XXYLT1: variants seen among roughly 807,000 people sequenced by gnomAD.
XXYLT1 encodes UDP-xylose:alpha-xyloside alpha-1,3-xylosyltransferase.
XXYLT1 carries 20 observed loss-of-function variants against 28.9 expected under a neutral mutation model. The ratio of observed to expected loss-of-function variants is 0.69; its 90% CI spans 0.49 to 1.00. The LOEUF (loss-of-function observed/expected upper bound fraction) is 1.00. XXYLT1 is among the 50% of genes least tolerant of loss of function. The probability of loss-of-function intolerance (pLI) is 0.00; values close to 1 mark genes in which losing one functional copy is unlikely to be tolerated. For missense variants in XXYLT1, 542 were observed against 560.1 expected (o/e 0.97, Z 0.33); for synonymous variants, 257 against 253.8 (o/e 1.01, Z -0.12).
chr3:195,087,456 T>A (rs1009958763), intron 3 of XXYLT1: 1 of 152,156 alleles, frequency 6.6e-6, no homozygotes, highest in Non-Finnish European at 1.5e-5. Context: ...CACTGCGCGC[T>A]CTATTCAGGT....
intron 3 of XXYLT1, among the ~76,000 whole-genome samples, chr3:195,144,792 T>C (rs1313017058): frequency 2.0e-5 from 3 of 152,128 alleles, no homozygotes; most frequent in Non-Finnish European, 2.9e-5. Context: ...CCTTTAACCT[T>C]GGGCAGCAGC....
At chr3:195,160,939 C>T (rs1289707017) in intron 2 of XXYLT1, among the ~76,000 whole-genome samples, 2 of 152,264 alleles carry the variant, frequency 1.3e-5, no homozygotes, top group Non-Finnish European at 2.9e-5. Context: ...CTCCATTTCC[C>T]TCCCAGGACA....
In XXYLT1 at chr3:195,077,129, C is replaced by T. The variant is rs1275657719; in HGVS notation, c.786-7018G>A. 2.0e-5 allele frequency among the ~76,000 whole-genome samples: 3 copies of T among 152,316 alleles called. No individual in the cohort carries two copies. Among genetic ancestry groups the T allele is most frequent in the Non-Finnish European group, 4.4e-5 (3 of 68,032 alleles). On this transcript the variant is annotated intron_variant, in intron 3 of 3. Transcript: ENST00000310380. The surrounding 1 kb of genome is among the most constrained non-coding windows in gnomAD (Gnocchi z 4.8). ...GCAAAACCCCAGCCCCTGCTGCTCTCAGTGGGTGGAGACAGAATGACCCAC... is the reference window on the plus strand; with the variant it reads ...GCAAAACCCCAGCCCCTGCTGCTCTTAGTGGGTGGAGACAGAATGACCCAC...
At chr3:195,193,805 A>G (rs1378913872) in intron 2 of XXYLT1, among the ~76,000 whole-genome samples, 2 of 152,240 alleles carry the variant, frequency 1.3e-5, no homozygotes, top group Non-Finnish European at 2.9e-5. Context: ...TTGTAATTCA[A>G]CGGGTAAAGG....
rs572854228 is a variant in XXYLT1 at position 195,246,625 on chromosome 3, G to A, written c.505-19769C>T. On this transcript the variant is annotated intron_variant, in intron 1 of 3. Transcript: ENST00000310380. ...AGCAGAGGCAGAGGGGGTGAGCCCC[G>A]GACACTCCTCCAGGCTGATGAGGAA... Among the ~76,000 whole-genome samples the A allele has an allele frequency of 1.5e-4, 23 of 152,298 alleles. No homozygotes were observed. In the South Asian group the frequency reaches 4.6e-3, roughly 30 times the overall value.
At chr3:195,179,508 T>TACAATCATGGCAGAAGACAAAGGAGAGG (rs1721843403) in intron 2 of XXYLT1, among the ~76,000 whole-genome samples, 3 of 152,124 alleles carry the variant, frequency 2.0e-5, no homozygotes, top group Admixed American at 2.0e-4. Context: ...GAACTGGTTT[T>TACAATCATGGCAGAAGACAAAGGAGAGG]CAGTCACGTC....
intron 3 of XXYLT1, among the ~76,000 whole-genome samples, chr3:195,073,255 G>A (rs774116028): frequency 3.9e-5 from 6 of 152,220 alleles, no homozygotes; most frequent in Non-Finnish European, 8.8e-5. Flanking sequence ...CAGGGTGATC[G>A]GGTGATGCTG....
intron 1 of XXYLT1, among the ~76,000 whole-genome samples, chr3:195,244,787 T>C (rs1325150222): frequency 1.6e-5 from 2 of 124,228 alleles, no homozygotes; most frequent in African/African-American, 3.1e-5. Context: ...AAAAAAAACA[T>C]GTTTCATTTA....
intron 2 of XXYLT1, among the ~76,000 whole-genome samples, chr3:195,178,904 T>G (rs1364941354): frequency 6.6e-6 from 1 of 152,230 alleles, no homozygotes; most frequent in East Asian, 1.9e-4. Flanking sequence ...AAGCAGGTTT[T>G]GGAAAACATA....
At chr3:195,188,780 T>A (rs1186957313) in intron 2 of XXYLT1, among the ~76,000 whole-genome samples, 1 of 152,208 alleles carries the variant, frequency 6.6e-6, no homozygotes, top group African/African-American at 2.4e-5. Flanking sequence ...TTCTTCCAAT[T>A]TCCACACCAC....
chr3:195,118,836 A>T (rs1302347870), intron 3 of XXYLT1, among the ~76,000 whole-genome samples: 1 of 152,218 alleles, frequency 6.6e-6, no homozygotes, highest in Non-Finnish European at 1.5e-5. Context: ...GAAGGAGGTG[A>T]CGTAGTAAAC....
At chr3:195,199,728 T>A (rs1242204733) in intron 2 of XXYLT1, among the ~76,000 whole-genome samples, 1 of 152,200 alleles carries the variant, frequency 6.6e-6, no homozygotes, top group African/African-American at 2.4e-5. Flanking sequence ...AAGATGGCTG[T>A]CCTGACAAAA....
intron 1 of XXYLT1, among the ~76,000 whole-genome samples, chr3:195,239,049 T>C (rs1288227117): frequency 6.6e-6 from 1 of 152,240 alleles, no homozygotes; most frequent in Non-Finnish European, 1.5e-5. Context: ...AATAGACTTC[T>C]GAGGACAAAC....
intron 2 of XXYLT1, among the ~76,000 whole-genome samples, chr3:195,184,445 A>C (rs968962102): frequency 1.3e-5 from 2 of 152,188 alleles, no homozygotes; most frequent in African/African-American, 4.8e-5. Flanking sequence ...TAAACCGAAA[A>C]CATGATTAAA....
chr3:195,220,438 C>T (rs1723774058), intron 2 of XXYLT1, among the ~76,000 whole-genome samples: 1 of 152,200 alleles, frequency 6.6e-6, no homozygotes, highest in African/African-American at 2.4e-5. Context: ...GCCACCTCGC[C>T]CGGCCGGGCC....
intron 2 of XXYLT1, among the ~76,000 whole-genome samples, chr3:195,216,384 G>A (rs1412472534): frequency 2.7e-5 from 4 of 148,410 alleles, no homozygotes; most frequent in African/African-American, 1.0e-4. Flanking sequence ...CTGGTTTTTT[G>A]AAAGGATCAA....
chr3:195,145,875 A>T (rs899499922), intron 3 of XXYLT1, among the ~76,000 whole-genome samples: 3 of 152,224 alleles, frequency 2.0e-5, no homozygotes, highest in African/African-American at 7.2e-5. Flanking sequence ...TCCTTTGGGC[A>T]GCTCCTTGAT....
chr3:195,196,790 A>C (rs1385096276), intron 2 of XXYLT1, among the ~76,000 whole-genome samples: 1 of 152,230 alleles, frequency 6.6e-6, no homozygotes, highest in Middle Eastern at 3.2e-3. Context: ...CAAAGTAATA[A>C]GGAATATTGG....
At chr3:195,080,644 G>A (rs554815725) in intron 3 of XXYLT1, among the ~76,000 whole-genome samples, 29 of 152,350 alleles carry the variant, frequency 1.9e-4, no homozygotes, top group Admixed American at 1.8e-3. Flanking sequence ...CATGGCGCTG[G>A]AGGTCACAGG....
Sources: gnomAD v4.1 joint callset for allele counts (sites outside exome capture counted in the v4.1 genomes callset) on GRCh38, gnomAD v4.1.1 for gene constraint, Gnocchi (gnomAD v3.1) non-coding constraint, MANE v1.5 for transcripts, NCBI Gene and HGNC (gene_info 2026-07-23, HGNC 2026-07-21) for gene names.